The following MICU2 variants were observed in gnomAD, a reference collection of about 807,000 sequenced individuals.
MICU2 encodes the protein calcium uptake protein 2, mitochondrial.
A neutral mutation model predicts 60.4 loss-of-function variants in MICU2; 64 were observed. The ratio of observed to expected loss-of-function variants is 1.06; its 90% CI spans 0.87 to 1.31. The LOEUF is 1.31. Ranked by LOEUF, MICU2 falls within the 50% of genes most tolerant of loss-of-function variation. MICU2 has a pLI of 0.00. For missense variants in MICU2, 569 were observed against 531.0 expected, an observed-to-expected ratio of 1.07 and a Z score of -0.70; for synonymous variants, 201 against 175.0, an observed-to-expected ratio of 1.15 and a Z score of -1.17.
Position 21,499,119 on chromosome 13 carries a change from T to A in MICU2, c.934-2959A>T, listed in dbSNP as rs533274508. Among the ~76,000 whole-genome samples the A allele has an allele frequency of 3.8e-4, 57 of 151,974 alleles. No homozygotes were observed. In the South Asian group the frequency reaches 0.011, roughly 29 times the overall value. On this transcript the variant is annotated intron_variant, in intron 9 of 11. Transcript: ENST00000382374. Reference sequence around the variant, plus strand: ...GCATGCGCCACCACGCCCCGCTAATTTTTGTATTTTTAGAAGAGACGGGGT... The same window carrying A: ...GCATGCGCCACCACGCCCCGCTAATATTTGTATTTTTAGAAGAGACGGGGT...
intron 1 of MICU2, among the ~76,000 whole-genome samples, chr13:21,579,747 G>A (rs1319851049): frequency 1.3e-5 from 2 of 151,810 alleles, no homozygotes; most frequent in Non-Finnish European, 1.5e-5. Flanking sequence ...TATTCTTTCT[G>A]AAATATTTTG....
chr13:21,540,413 CTT>C (rs1261787500), intron 2 of MICU2, among the ~76,000 whole-genome samples: 3 of 152,112 alleles, frequency 2.0e-5, no homozygotes, highest in Non-Finnish European at 2.9e-5. Flanking sequence ...ACAGCACTAA[CTT>C]TACTTATTGC....
chr13:21,531,848 A>C (rs912143603), intron 4 of MICU2, among the ~76,000 whole-genome samples: 1 of 152,222 alleles, frequency 6.6e-6, no homozygotes, highest in Non-Finnish European at 1.5e-5. Flanking sequence ...AAACAAACGA[A>C]CAAAAAAAGA....
chr13:21,565,601 T>G (rs1372268846), intron 2 of MICU2, among the ~76,000 whole-genome samples: 1 of 152,186 alleles, frequency 6.6e-6, no homozygotes, highest in African/African-American at 2.4e-5. Context: ...GAGGTTGCAG[T>G]GAGCCAAGAT....
intron 4 of MICU2, among the ~76,000 whole-genome samples, chr13:21,529,054 T>C (rs1169799240): frequency 1.3e-5 from 2 of 152,226 alleles, no homozygotes; most frequent in Non-Finnish European, 2.9e-5. Context: ...AAAGGGCTTA[T>C]ATACACCAAA....
chr13:21,584,827 A>G (rs1004020842), intron 1 of MICU2, among the ~76,000 whole-genome samples: 2 of 152,224 alleles, frequency 1.3e-5, no homozygotes, highest in Non-Finnish European at 2.9e-5. Context: ...TTAGTGGCTT[A>G]TGGTGTGTTT....
chr13:21,504,184 A>T (rs899156992), intron 8 of MICU2, among the ~76,000 whole-genome samples: 1 of 152,144 alleles, frequency 6.6e-6, no homozygotes, highest in Admixed American at 6.5e-5. Context: ...ATTTGGACTG[A>T]TAGAGCAACA....
chr13:21,521,885 T>A (rs1211555431), intron 5 of MICU2, among the ~76,000 whole-genome samples: 1 of 152,142 alleles, frequency 6.6e-6, no homozygotes, highest in Non-Finnish European at 1.5e-5. Flanking sequence ...CAAGCAATCC[T>A]CCTACCTCAG....
chr13:21,537,685 G>C (rs191638805), intron 4 of MICU2, among the ~76,000 whole-genome samples: 1 of 152,072 alleles, frequency 6.6e-6, no homozygotes, highest in Non-Finnish European at 1.5e-5. Context: ...TGGCCAGGCT[G>C]GTCTCAAACT....
At chr13:21,531,246 G>A in intron 4 of MICU2, 3 of 1,233,148 alleles carry the variant, frequency 2.4e-6, no homozygotes, top group Non-Finnish European at 3.6e-6. Context: ...TATAAGAAAG[G>A]AATATTGGAG....
chr13:21,564,160 A>T (rs1887918660), intron 2 of MICU2, among the ~76,000 whole-genome samples: 1 of 152,148 alleles, frequency 6.6e-6, no homozygotes, highest in African/African-American at 2.4e-5. Context: ...GCTATATATA[A>T]ATCTGATACT....
intron 2 of MICU2, among the ~76,000 whole-genome samples, chr13:21,561,964 T>C (rs1887856295): frequency 1.3e-5 from 2 of 148,488 alleles, no homozygotes; most frequent in South Asian, 4.3e-4. Context: ...ATGCAGTGTT[T>C]GGTTTTTTGT....
rs573820028 is a variant in MICU2 at position 21,511,335 on chromosome 13, AAAAT to A, written c.664-1238_664-1235del. Among the ~76,000 whole-genome samples, 14 of 152,306 alleles carry A rather than the reference AAAAT, an allele frequency of 9.2e-5. No homozygotes were observed. The South Asian group carries it at 1.9e-3, about 20-fold the overall frequency. ...GTCTGGATAGAGCATGGGCATGAGG[AAAAT>A]GTAAGGCATGACAACTATACAAAGA... is the stretch of plus-strand genomic sequence containing the variant. On this transcript the variant is annotated intron_variant, in intron 7 of 11. Coordinates refer to ENST00000382374, the MANE Select transcript of MICU2 (RefSeq NM_152726.3).
At chr13:21,543,314 C>T (rs1460109155) in intron 2 of MICU2, among the ~76,000 whole-genome samples, 1 of 152,044 alleles carries the variant, frequency 6.6e-6, no homozygotes. Flanking sequence ...ACTGGAAGTC[C>T]TAGTCAGAGC....
intron 8 of MICU2, among the ~76,000 whole-genome samples, chr13:21,508,288 G>T (rs1445180817): frequency 6.6e-6 from 1 of 151,878 alleles, no homozygotes; most frequent in East Asian, 1.9e-4. Flanking sequence ...ACCATGCCTG[G>T]CTAATTTTTT....
chr13:21,548,909 A>G (rs1035283178), intron 2 of MICU2, among the ~76,000 whole-genome samples: 47 of 149,950 alleles, frequency 3.1e-4, no homozygotes, highest in Non-Finnish European at 6.2e-4. Flanking sequence ...AGGAGAGAAG[A>G]CAAGTTTGAG....
chr13:21,538,580 A>AAC (rs3070113), intron 4 of MICU2, among the ~76,000 whole-genome samples: 1 of 149,422 alleles, frequency 6.7e-6, no homozygotes, highest in African/African-American at 2.5e-5. Flanking sequence ...AAAAAAAAAA[A>AAC]CCCCAAACAA....
intron 1 of MICU2, among the ~76,000 whole-genome samples, chr13:21,588,016 T>C (rs1014243256): frequency 1.3e-5 from 2 of 152,126 alleles, no homozygotes; most frequent in Admixed American, 1.3e-4. Context: ...TAATATCAAA[T>C]TCAGCATTTC....
At chr13:21,531,259 A>C (rs569818302) in intron 4 of MICU2, 1 of 1,407,518 alleles carries the variant, frequency 7.1e-7, no homozygotes, top group South Asian at 1.2e-5. Context: ...TATTGGAGAT[A>C]GATTGGAAGA....
Sources: allele counts gnomAD v4.1 joint callset (sites outside exome capture counted in the v4.1 genomes callset), GRCh38; gene constraint gnomAD v4.1.1; transcripts MANE v1.5; gene names NCBI Gene and HGNC (gene_info 2026-07-23, HGNC 2026-07-21).